NBAS: variants seen among roughly 807,000 people sequenced by gnomAD.
NBAS encodes the protein NAG/BC035112 fusion.
Under a neutral mutation model 302.5 loss-of-function variants are expected in NBAS, and 219 were observed. The observed-to-expected ratio is 0.72, with a 90% CI of 0.65 to 0.81. The LOEUF (loss-of-function observed/expected upper bound fraction) is 0.81, where lower values mean the gene tolerates loss of function less well. Ranked by LOEUF, NBAS falls within the 30% of genes least tolerant of loss-of-function variation. NBAS has a pLI of 0.00. For synonymous variants in NBAS, 1,118 were observed against 1,021.6 expected (o/e 1.09, Z -1.80); for missense variants, 2,932 against 2,841.6 (o/e 1.03, Z -0.72).
the NBAS span, among the ~76,000 whole-genome samples, chr2:14,858,067 T>G: frequency 2.0e-5 from 3 of 152,044 alleles, no homozygotes; most frequent in African/African-American, 7.2e-5. Context: ...AACAGGTAGA[T>G]CCTCAACATC....
At chr2:15,426,410 T>C (rs899713589) in intron 22 of NBAS, among the ~76,000 whole-genome samples, 2 of 152,176 alleles carry the variant, frequency 1.3e-5, no homozygotes, top group African/African-American at 4.8e-5. Flanking sequence ...TTTCTTATAA[T>C]TTCCTCCCCT....
At chr2:15,066,419 G>T in the NBAS span, among the ~76,000 whole-genome samples, 1 of 152,084 alleles carries the variant, frequency 6.6e-6, no homozygotes. Context: ...CAGTGAAAAG[G>T]CAACCTATGA....
At chr2:15,307,208 A>C (rs1001442090) in intron 40 of NBAS, among the ~76,000 whole-genome samples, 2 of 152,190 alleles carry the variant, frequency 1.3e-5, no homozygotes, top group African/African-American at 4.8e-5. Context: ...TCCGGAACCC[A>C]ACAATGTATC....
chr2:14,868,932 A>C, the NBAS span, among the ~76,000 whole-genome samples: 1 of 152,176 alleles, frequency 6.6e-6, no homozygotes, highest in Non-Finnish European at 1.5e-5. Context: ...AATTTTCCAA[A>C]GGGAGTTGTC....
At chr2:14,869,358 A>G in the NBAS span, among the ~76,000 whole-genome samples, 1 of 152,172 alleles carries the variant, frequency 6.6e-6, no homozygotes, top group Non-Finnish European at 1.5e-5. Context: ...CTTTTGGGTA[A>G]TTCTGGAGTA....
intron 38 of NBAS, among the ~76,000 whole-genome samples, chr2:15,326,006 A>T (rs1483184796): frequency 6.6e-6 from 1 of 152,190 alleles, no homozygotes; most frequent in Admixed American, 6.5e-5. Flanking sequence ...AGAGAGATGG[A>T]AAATGGCTGG....
chr2:15,290,962 G>A (rs1475867958), intron 41 of NBAS, among the ~76,000 whole-genome samples: 4 of 152,158 alleles, frequency 2.6e-5, no homozygotes, highest in African/African-American at 9.7e-5. Flanking sequence ...GAACCAAGAT[G>A]AGTTTGCCAC....
intron 38 of NBAS, among the ~76,000 whole-genome samples, chr2:15,320,093 A>G (rs933480917): frequency 2.6e-5 from 4 of 152,224 alleles, no homozygotes; most frequent in African/African-American, 4.8e-5. Context: ...CTGGTTCAAC[A>G]TATGCAAATC....
At chr2:15,106,391 T>G in the NBAS span, among the ~76,000 whole-genome samples, 4 of 152,020 alleles carry the variant, frequency 2.6e-5, no homozygotes, top group East Asian at 7.7e-4. Flanking sequence ...TATTAATCGT[T>G]TAACTTCCCA....
the NBAS span, among the ~76,000 whole-genome samples, chr2:15,065,692 G>T: frequency 3.2e-4 from 49 of 151,512 alleles, no homozygotes; most frequent in African/African-American, 1.2e-3. Flanking sequence ...GGAGGCAAAA[G>T]TCTCCTTGGA....
intron 9 of NBAS, among the ~76,000 whole-genome samples, chr2:15,516,115 G>A (rs1662379716): frequency 6.6e-6 from 1 of 152,184 alleles, no homozygotes; most frequent in African/African-American, 2.4e-5. Flanking sequence ...GCTTGTGAGA[G>A]TTACATGAAT....
At chr2:15,557,595 T>C (rs907174278) in intron 2 of NBAS, among the ~76,000 whole-genome samples, 2 of 152,248 alleles carry the variant, frequency 1.3e-5, no homozygotes, top group African/African-American at 4.8e-5. Context: ...GATAAAAGGA[T>C]AATCAGAAGA....
chr2:15,144,042 TATAAAA>T, the NBAS span, among the ~76,000 whole-genome samples: 10 of 116,938 alleles, frequency 8.6e-5, 1 homozygote, highest in African/African-American at 2.6e-4. Context: ...TTATCCTATA[TATAAAA>T]ATATATATAT....
the NBAS span, among the ~76,000 whole-genome samples, chr2:15,133,232 G>A: frequency 6.6e-6 from 1 of 152,122 alleles, no homozygotes; most frequent in Non-Finnish European, 1.5e-5. Context: ...GGAATCAGAA[G>A]AGGCAGAACC....
the NBAS span, among the ~76,000 whole-genome samples, chr2:14,929,917 C>G: frequency 6.6e-6 from 1 of 152,228 alleles, no homozygotes; most frequent in African/African-American, 2.4e-5. Flanking sequence ...AGATTTCCCC[C>G]TTGCTGTTCT....
the NBAS span, among the ~76,000 whole-genome samples, chr2:14,847,779 G>A: frequency 1.3e-5 from 2 of 152,242 alleles, no homozygotes; most frequent in South Asian, 4.1e-4. Context: ...ATACAGCAAT[G>A]GACCTATTAC....
chr2:15,207,237 T>C (rs964294355), intron 48 of NBAS, among the ~76,000 whole-genome samples: 1 of 152,320 alleles, frequency 6.6e-6, no homozygotes. Flanking sequence ...ATGACTGCCC[T>C]GTTGGGTTTC....
rs1408912719 is a variant in NBAS, at chr2:15,240,458, A to AG, written c.5725-1773_5725-1772insC. 4.6e-5 allele frequency among the ~76,000 whole-genome samples: 7 copies of AG among 151,000 alleles called. No homozygotes were observed. In the South Asian group the frequency reaches 1.3e-3, roughly 27 times the overall value. Reference sequence around the variant, plus strand: ...TCTACTAAAAATACAAAAAAAAAAAAAAAAAAAAATTAGCCGGGCGTGGTG... The same window carrying AG: ...TCTACTAAAAATACAAAAAAAAAAAAGAAAAAAAAATTAGCCGGGCGTGGTG... On this transcript the variant is annotated intron_variant, in intron 44 of 51. Transcript: ENST00000281513.
the NBAS span, among the ~76,000 whole-genome samples, chr2:15,091,891 C>T: frequency 3.3e-3 from 502 of 152,234 alleles, 4 homozygotes; most frequent in African/African-American, 0.012. Flanking sequence ...TGTAAGGATA[C>T]GGTATATAAT....
Sources: allele counts gnomAD v4.1 joint callset (sites outside exome capture counted in the v4.1 genomes callset), GRCh38; gene constraint gnomAD v4.1.1; transcripts MANE v1.5; gene names NCBI Gene and HGNC (gene_info 2026-07-23, HGNC 2026-07-21).